The following MTHFSD variants were observed in gnomAD, a reference collection of about 807,000 sequenced individuals.
MTHFSD encodes the protein methenyltetrahydrofolate synthase domain-containing protein.
In MTHFSD, 37 loss-of-function variants were observed where a neutral mutation model predicts 31.1. That is an observed-to-expected ratio of 1.19 (90% CI 0.91 to 1.56). MTHFSD has a LOEUF of 1.56. Among genes scored for constraint, MTHFSD ranks in the 40% most tolerant of loss-of-function variants. The pLI is 0.00. For missense variants in MTHFSD, 664 were observed against 510.1 expected (o/e 1.30, Z -2.91); for synonymous variants, 221 against 206.9 (o/e 1.07, Z -0.59).
chr16:86,532,569 G>A (rs777851003), intron 7 of MTHFSD, 88 bp from the exon 8 acceptor site: 86 of 1,097,740 alleles, frequency 7.8e-5, no homozygotes, highest in Non-Finnish European at 1.0e-4. Flanking sequence ...ACTACTGGCT[G>A]TGCTGCACAC....
At chr16:86,534,411 G>A (rs147022638) in intron 7 of MTHFSD, among the ~76,000 whole-genome samples, 4 of 152,132 alleles carry the variant, frequency 2.6e-5, no homozygotes, top group South Asian at 2.1e-4. Flanking sequence ...GATTTCTGCC[G>A]CAAAACCCCA....
chr16:86,549,087 A>C (rs1972754668), intron 3 of MTHFSD, among the ~76,000 whole-genome samples: 1 of 152,260 alleles, frequency 6.6e-6, no homozygotes, highest in South Asian at 2.1e-4. Context: ...CAATACACTG[A>C]TACGTGCCAA....
intron 7 of MTHFSD, chr16:86,541,009 T>C: frequency 8.5e-7 from 1 of 1,173,706 alleles, no homozygotes; most frequent in Non-Finnish European, 1.1e-6. Context: ...CGGTGAATGA[T>C]TTGGGATTAA....
intron 4 of MTHFSD, chr16:86,548,084 C>A: frequency 7.7e-7 from 1 of 1,291,878 alleles, no homozygotes; most frequent in South Asian, 1.2e-5. Context: ...GAAATTCTAT[C>A]CTGTCTCCCC....
chr16:86,548,582 T>A lies in MTHFSD; in HGVS notation c.238-5A>T. 1 of 1,598,678 alleles carries A rather than the reference T, an allele frequency of 6.3e-7. No homozygotes were observed. The highest frequency in any genetic ancestry group is 8.5e-7 in the Non-Finnish European group (1 of 1,171,872). The stretch of plus-strand genomic sequence containing the variant: ...AACCAACAATGTTTTTTTGCTCTTT[T>A]AAAGAAAAGACAATCAATAAATTAC... On this transcript the variant is annotated splice_region_variant and splice_polypyrimidine_tract_variant and intron_variant, in intron 3 of 7. Transcript: ENST00000360900.
Position 86,541,803 on chromosome 16 carries a change from TC to T in MTHFSD, c.574del (p.Glu192SerfsTer41), listed in dbSNP as rs1567539687. On this transcript the variant is annotated frameshift_variant, in exon 7 of 8. Transcript: ENST00000360900. LOFTEE classifies it high-confidence loss of function. ...HDCQVVDIPE[E>X]LVEEHDITVD... Reference sequence around the variant, plus strand: ...AGTGATGTCGTGCTCCTCAACAAGCTCTTCAGGGATGTCCACGACCTGGGGG... The same window carrying T: ...AGTGATGTCGTGCTCCTCAACAAGCTTTCAGGGATGTCCACGACCTGGGGG... 1 of 1,614,076 alleles carries T rather than the reference TC, an allele frequency of 6.2e-7. No homozygotes were observed. Among genetic ancestry groups the T allele is most frequent in the Non-Finnish European group, 8.5e-7 (1 of 1,180,016 alleles).
In MTHFSD at chr16:86,530,302, A is replaced by T. The variant is rs373187986; in HGVS notation, c.*1709T>A. The T allele has an allele frequency of 6.6e-6, 1 of 152,240 alleles. No homozygotes were observed. Among genetic ancestry groups the T allele is most frequent in the Non-Finnish European group, 1.5e-5 (1 of 68,040 alleles). 9.4% of individuals were successfully genotyped at this position (152,240 alleles called of 1,614,324 possible). ...ATCTGTATATCCATATACCTGGATTATTCTGGCTAAAGCGACAGGAAATCC... is the reference window on the plus strand; with the variant it reads ...ATCTGTATATCCATATACCTGGATTTTTCTGGCTAAAGCGACAGGAAATCC... On this transcript the variant is annotated 3_prime_UTR_variant, in exon 8 of 8. Coordinates refer to ENST00000360900, the MANE Select transcript of MTHFSD (RefSeq NM_001159377.2).
intron 1 of MTHFSD, 177 bp from the exon 2 acceptor site, chr16:86,554,928 G>C (rs1372169194): frequency 1.8e-6 from 2 of 1,138,332 alleles, no homozygotes; most frequent in Non-Finnish European, 2.4e-6. Flanking sequence ...GTGCACGGCA[G>C]GTGTCCCTCC....
At chr16:86,534,167 A>G (rs1970359237) in intron 7 of MTHFSD, among the ~76,000 whole-genome samples, 2 of 152,366 alleles carry the variant, frequency 1.3e-5, no homozygotes, top group African/African-American at 2.4e-5. Context: ...TGCCATGAAC[A>G]TATCCACGAT....
rs1972427421 is a variant in MTHFSD at position 86,547,091 on chromosome 16, G to T, written c.352-442C>A. Reference sequence around the variant, plus strand: ...CCACCCTCTGCCTCGTCGGACCAGTGTTGGAATTAAATAACAAAACGTATG... The same window carrying T: ...CCACCCTCTGCCTCGTCGGACCAGTTTTGGAATTAAATAACAAAACGTATG... On this transcript the variant is annotated intron_variant, in intron 4 of 7. Transcript: ENST00000360900. The T allele has an allele frequency of 6.8e-6, 6 of 877,154 alleles. No individual in the cohort carries two copies. The South Asian group carries it at 3.0e-4, about 44-fold the overall frequency. The allele number at this position is 877,154 out of a possible 1,614,324, so 54.3% of individuals were successfully genotyped here.
intron 7 of MTHFSD, among the ~76,000 whole-genome samples, chr16:86,534,108 C>G (rs1424420059): frequency 6.6e-6 from 1 of 152,212 alleles, no homozygotes; most frequent in Non-Finnish European, 1.5e-5. Context: ...GAAAGACTTG[C>G]GCCAACATTT....
rs200329197 is a variant in MTHFSD at position 86,532,340 on chromosome 16, C to T, written c.823G>A (p.Val275Ile). The stretch of plus-strand genomic sequence containing the variant: ...GGTGTGTCCGGGGGCCTCCTGCCAA[C>T]ACTCAGGGGCACTGTCTGCTGGCAG... Reference protein sequence around the residue: ...PGCQQTVPLSVGRRPPDTPGP... With the variant: ...PGCQQTVPLSIGRRPPDTPGP... Residue 275 changes from valine (V) to isoleucine (I), a missense_variant, in exon 8 of 8, where the codon GTT becomes ATT. Val to Ile is a conservative substitution (Grantham distance 29). Coordinates refer to ENST00000360900, the MANE Select transcript of MTHFSD (RefSeq NM_001159377.2). 3,021 of 1,592,514 alleles carry T rather than the reference C, an allele frequency of 1.9e-3. 1 individual carries two copies. Among genetic ancestry groups the T allele is most frequent in the Non-Finnish European group, 2.4e-3 (2,797 of 1,170,158 alleles).
intron 7 of MTHFSD, chr16:86,535,212 G>A (rs1567529620): frequency 3.4e-5 from 33 of 973,904 alleles, no homozygotes; most frequent in Admixed American, 1.3e-4. Context: ...CGCAGGGGCC[G>A]TTAGAATGGA....
intron 4 of MTHFSD, chr16:86,547,584 C>T (rs1034308214): frequency 1.8e-5 from 18 of 987,426 alleles, no homozygotes; most frequent in Middle Eastern, 5.2e-4. Flanking sequence ...AAGGAAGAGA[C>T]GGCTTGCATT....
chr16:86,535,378 C>T (rs1597321591), intron 7 of MTHFSD: 2 of 985,280 alleles, frequency 2.0e-6, no homozygotes, highest in Non-Finnish European at 1.2e-6. Flanking sequence ...ATGACCACGC[C>T]GATCCCTGCC....
rs1208405037 is a variant in MTHFSD, at chr16:86,542,116, G to A, written c.540C>T (p.Ile180=). ...TAAGGAGCACCTGGCAGTCGTGGACGATGGTGACCACCGGCGTCTCCTTGC... is the reference window on the plus strand; with the variant it reads ...TAAGGAGCACCTGGCAGTCGTGGACAATGGTGACCACCGGCGTCTCCTTGC... ...AVSKETPVVT[I]VHDCQVVDIP... Residue 180 remains isoleucine, a synonymous_variant, in exon 6 of 8, where the codon ATC becomes ATT. Coordinates refer to ENST00000360900, the MANE Select transcript of MTHFSD (RefSeq NM_001159377.2). The surrounding 1 kb of genome is among the most constrained non-coding windows in gnomAD (Gnocchi z 4.6). The A allele has an allele frequency of 6.8e-6, 11 of 1,613,324 alleles. No individual in the cohort carries two copies. The highest frequency in any genetic ancestry group is 6.7e-5 in the East Asian group (3 of 44,884).
chr16:86,554,038 T>C (rs569786089), intron 2 of MTHFSD, among the ~76,000 whole-genome samples: 1 of 152,072 alleles, frequency 6.6e-6, no homozygotes, highest in South Asian at 2.1e-4. Flanking sequence ...CTCTGTAAAA[T>C]GGACCAATCA....
At chr16:86,548,377 T>C in intron 4 of MTHFSD, 87 bp downstream of exon 4, 1 of 1,091,074 alleles carries the variant, frequency 9.2e-7, no homozygotes, top group Non-Finnish European at 1.4e-6. Flanking sequence ...GAATTCCAAC[T>C]GTGTGCTGCT....
Position 86,552,019 on chromosome 16 carries a change from G to A in MTHFSD, c.237+14C>T. On this transcript the variant is annotated intron_variant, in intron 3 of 7. Coordinates refer to ENST00000360900, the MANE Select transcript of MTHFSD (RefSeq NM_001159377.2). ...GCGGCCAGGTCTCGGCTCGGCTCAG[G>A]GAAGTGGAATTACCTGCAGCACCAG... 1.2e-6 allele frequency: 2 copies of A among 1,614,090 alleles called. No homozygotes were observed. The highest frequency in any genetic ancestry group is 1.7e-6 in the Non-Finnish European group (2 of 1,180,004).
Sources: allele counts gnomAD v4.1 joint callset (sites outside exome capture counted in the v4.1 genomes callset), GRCh38; gene constraint gnomAD v4.1.1; non-coding constraint Gnocchi (gnomAD v3.1); transcripts MANE v1.5; gene names NCBI Gene and HGNC (gene_info 2026-07-23, HGNC 2026-07-21).